The following APLP2 variants were observed in gnomAD, a reference collection of about 807,000 sequenced individuals.
The protein encoded by APLP2 is amyloid beta precursor like protein 2, also known as CDEI box-binding protein.
Under a neutral mutation model 89.9 loss-of-function variants are expected in APLP2, and 53 were observed. The ratio of observed to expected loss-of-function variants is 0.59; its 90% CI spans 0.47 to 0.74. APLP2 has a LOEUF of 0.74. APLP2 is among the 30% of genes least tolerant of loss of function. The pLI, the probability that APLP2 is intolerant of heterozygous loss-of-function variation, is 0.00. For synonymous variants in APLP2, 372 were observed against 348.6 expected, an observed-to-expected ratio of 1.07 and a Z score of -0.75; for missense variants, 973 against 975.9, an observed-to-expected ratio of 1.00 and a Z score of 0.04.
chr11:130,098,630 A>G (rs554532203), intron 1 of APLP2, among the ~76,000 whole-genome samples: 1 of 152,222 alleles, frequency 6.6e-6, no homozygotes, highest in Admixed American at 6.5e-5. Flanking sequence ...TCAAGTGTTT[A>G]TTTAGTGAAA....
At chr11:130,119,019 C>T (rs748829549) in intron 3 of APLP2, among the ~76,000 whole-genome samples, 1 of 152,162 alleles carries the variant, frequency 6.6e-6, no homozygotes, top group African/African-American at 2.4e-5. Context: ...ACCACTGGGG[C>T]GGTAGAAAGA....
At chr11:130,142,219 G>A (rs1005340890) in intron 16 of APLP2, 145 bp downstream of exon 16, 9 of 1,006,386 alleles carry the variant, frequency 8.9e-6, no homozygotes, top group Admixed American at 3.5e-5. Flanking sequence ...TTCCTAGGTC[G>A]TGTTTTTGGA....
chr11:130,113,650 C>T (rs537007551), intron 3 of APLP2, among the ~76,000 whole-genome samples: 3 of 152,228 alleles, frequency 2.0e-5, no homozygotes, highest in East Asian at 1.9e-4. Context: ...CTGCCCCTTC[C>T]GCTGTCACCT....
intron 1 of APLP2, among the ~76,000 whole-genome samples, chr11:130,076,263 C>T (rs1358002620): frequency 6.6e-6 from 1 of 152,000 alleles, no homozygotes; most frequent in Non-Finnish European, 1.5e-5. Context: ...TTAGTAGAGA[C>T]AAGGTTTCAC....
At chr11:130,086,668 G>C (rs1332299906) in intron 1 of APLP2, among the ~76,000 whole-genome samples, 1 of 152,100 alleles carries the variant, frequency 6.6e-6, no homozygotes, top group Non-Finnish European at 1.5e-5. Flanking sequence ...TTAAGCTTAG[G>C]TCTTTGATCC....
intron 1 of APLP2, among the ~76,000 whole-genome samples, chr11:130,078,165 C>CT (rs780312601): frequency 3.0e-3 from 404 of 135,298 alleles, no homozygotes; most frequent in Middle Eastern, 4.1e-3. Flanking sequence ...GTTTTTCTTT[C>CT]TTTTTTTTTT....
rs549658889 is a variant in APLP2 at position 130,136,520 on chromosome 11, T to G, written c.1837+805T>G. 5.9e-5 allele frequency among the ~76,000 whole-genome samples: 9 copies of G among 151,888 alleles called. No homozygotes were observed. In the South Asian group the frequency reaches 1.5e-3, roughly 25 times the overall value. ...TAGCTTATAAGTGGAGAGTCAGGGG[T>G]CGAATCCAAGCTGATCTGGTCCTGC... On this transcript the variant is annotated intron_variant, in intron 13 of 16. Transcript: ENST00000338167.
chr11:130,086,778 C>G (rs1006709308), intron 1 of APLP2, among the ~76,000 whole-genome samples: 10 of 152,186 alleles, frequency 6.6e-5, no homozygotes, highest in Admixed American at 5.2e-4. Flanking sequence ...CATCCCCATT[C>G]AATTGTCCTG....
chr11:130,079,924 A>G (rs1316221535), intron 1 of APLP2, among the ~76,000 whole-genome samples: 4 of 152,244 alleles, frequency 2.6e-5, no homozygotes, highest in African/African-American at 9.6e-5. Flanking sequence ...GATTCTTGTC[A>G]TGAATGAATG....
chr11:130,093,416 A>G (rs776970903), intron 1 of APLP2, among the ~76,000 whole-genome samples: 1 of 152,244 alleles, frequency 6.6e-6, no homozygotes, highest in African/African-American at 2.4e-5. Context: ...CTATGAAGTA[A>G]TTGTTTGAAA....
At chr11:130,114,567 T>C (rs1236820959) in intron 3 of APLP2, among the ~76,000 whole-genome samples, 2 of 152,228 alleles carry the variant, frequency 1.3e-5, no homozygotes, top group Non-Finnish European at 2.9e-5. Flanking sequence ...CCTGTGTCCT[T>C]ATAACATGTC....
In APLP2 at chr11:130,127,822, G is replaced by A. The variant is rs750835547; in HGVS notation, c.1278G>A (p.Glu426=). ...ELQAKNLPKA[E]RQTLIQHFQA... The stretch of plus-strand genomic sequence containing the variant: ...AAGCTAAGAACCTCCCCAAAGCAGA[G>A]AGGCAGACTCTGATTCAGGTAAGAT... The change falls in exon 9 of 17, where the codon GAG becomes GAA. Residue 426 remains glutamate, a synonymous_variant. Transcript: ENST00000338167. 5.6e-6 allele frequency: 9 copies of A among 1,614,162 alleles called. No individual in the cohort carries two copies. The highest frequency in any genetic ancestry group is 7.6e-6 in the Non-Finnish European group (9 of 1,179,994).
rs1952761539 is a variant in APLP2 at position 130,144,625 on chromosome 11, T to G, written c.*1177T>G. 6.5e-6 allele frequency: 1 copy of G among 152,718 alleles called. No homozygotes were observed. Among genetic ancestry groups the G allele is most frequent in the African/African-American group, 2.4e-5 (1 of 41,436 alleles). 9.5% of individuals were successfully genotyped at this position (152,718 alleles called of 1,614,324 possible). On this transcript the variant is annotated 3_prime_UTR_variant, in exon 17 of 17. Transcript: ENST00000338167. Reference sequence around the variant, plus strand: ...TTTAAATCTGAAGGTTCTGGTAACCTGTGGTGTATTTTTATTTTCCTGTGA... The same window carrying G: ...TTTAAATCTGAAGGTTCTGGTAACCGGTGGTGTATTTTTATTTTCCTGTGA...
At chr11:130,103,118 A>C (rs1248944995) in intron 1 of APLP2, among the ~76,000 whole-genome samples, 2 of 152,234 alleles carry the variant, frequency 1.3e-5, no homozygotes, top group African/African-American at 2.4e-5. Flanking sequence ...ATGTTGATGT[A>C]ATGGATCAAG....
intron 11 of APLP2, 82 bp downstream of exon 11, chr11:130,130,248 A>G: frequency 6.3e-7 from 1 of 1,578,168 alleles, no homozygotes; most frequent in Non-Finnish European, 8.7e-7. Flanking sequence ...GTTGACCAGC[A>G]CTGCTAGTTG....
At chr11:130,103,969 A>G (rs1034294767) in intron 1 of APLP2, among the ~76,000 whole-genome samples, 3 of 152,132 alleles carry the variant, frequency 2.0e-5, no homozygotes, top group African/African-American at 7.2e-5. Context: ...CGACCTGTAG[A>G]TTGGGCTTTT....
intron 1 of APLP2, among the ~76,000 whole-genome samples, chr11:130,096,726 A>G (rs1946254603): frequency 6.6e-6 from 1 of 152,138 alleles, no homozygotes; most frequent in Non-Finnish European, 1.5e-5. Flanking sequence ...TCTAAAAAAT[A>G]CCAAAAAAGG....
chr11:130,082,436 G>C (rs146201460), intron 1 of APLP2: 1 of 152,464 alleles, frequency 6.6e-6, no homozygotes, highest in Non-Finnish European at 1.5e-5. Context: ...CACCCGCCTC[G>C]GCCTCCCAAA....
At chr11:130,125,437 G>A (rs1012717165) in intron 7 of APLP2, among the ~76,000 whole-genome samples, 13 of 152,148 alleles carry the variant, frequency 8.5e-5, no homozygotes, top group Non-Finnish European at 1.5e-4. Context: ...AGTGTCTTGG[G>A]GAATGGCATT....
Sources: gnomAD v4.1 joint callset for allele counts (sites outside exome capture counted in the v4.1 genomes callset) on GRCh38, gnomAD v4.1.1 for gene constraint, MANE v1.5 for transcripts, NCBI Gene and HGNC (gene_info 2026-07-23, HGNC 2026-07-21) for gene names.